CACNA1E: variants seen among roughly 807,000 people sequenced by gnomAD.
CACNA1E encodes voltage-dependent R-type calcium channel subunit alpha-1E.
A neutral mutation model predicts 259.2 loss-of-function variants in CACNA1E; 40 were observed. The ratio of observed to expected loss-of-function variants is 0.15; its 90% CI spans 0.12 to 0.20. The LOEUF (loss-of-function observed/expected upper bound fraction) is 0.20. Ranked by LOEUF, CACNA1E falls within the 10% of genes least tolerant of loss-of-function variation. CACNA1E has a pLI of 1.00. For synonymous variants in CACNA1E, 1,104 were observed against 1,138.5 expected (o/e 0.97, Z 0.61); for missense variants, 1,874 against 3,040.1 (o/e 0.62, Z 9.02).
At chr1:181,750,339 C>T in intron 25 of CACNA1E, 137 bp from the exon 26 acceptor site, 1 of 720,628 alleles carries the variant, frequency 1.4e-6, no homozygotes, top group Non-Finnish European at 2.4e-6. Flanking sequence ...GCCTGTGCTG[C>T]TCTGATTCCC....
At chr1:181,543,749 A>G (rs1259062166) in intron 3 of CACNA1E, among the ~76,000 whole-genome samples, 1 of 152,260 alleles carries the variant, frequency 6.6e-6, no homozygotes, top group Non-Finnish European at 1.5e-5. Context: ...AGGCAACATC[A>G]TTAGCCATTA....
At chr1:181,426,543 A>C in intron 2 of CACNA1E, among the ~76,000 whole-genome samples, 1 of 143,010 alleles carries the variant, frequency 7.0e-6, no homozygotes, top group African/African-American at 2.7e-5. Context: ...ACCCCTTAAC[A>C]ACAGAACCCC....
At chr1:181,345,312 G>A (rs1176163403) in intron 1 of CACNA1E, among the ~76,000 whole-genome samples, 1 of 152,232 alleles carries the variant, frequency 6.6e-6, no homozygotes, top group African/African-American at 2.4e-5. Context: ...CAGACCCTGG[G>A]GTGAGATGAT....
intron 7 of CACNA1E, among the ~76,000 whole-genome samples, chr1:181,678,703 A>G (rs967287818): frequency 6.6e-6 from 1 of 152,176 alleles, no homozygotes; most frequent in African/African-American, 2.4e-5. Context: ...CGGGGCTCAA[A>G]TCCTCATTCT....
At chr1:181,742,898 CTT>C (rs1656711670) in intron 25 of CACNA1E, among the ~76,000 whole-genome samples, 1 of 152,072 alleles carries the variant, frequency 6.6e-6, no homozygotes. Flanking sequence ...ACTTTATTGA[CTT>C]TTGAGGAGGA....
chr1:181,362,709 A>T (rs970095785), intron 1 of CACNA1E, among the ~76,000 whole-genome samples: 1 of 152,252 alleles, frequency 6.6e-6, no homozygotes, highest in Non-Finnish European at 1.5e-5. Context: ...TGGGGACCTC[A>T]TGTCAGTAGG....
At chr1:181,761,000 G>A (rs140689043) in intron 32 of CACNA1E, among the ~76,000 whole-genome samples, 39 of 152,320 alleles carry the variant, frequency 2.6e-4, no homozygotes, top group Non-Finnish European at 5.0e-4. Flanking sequence ...AGAGCCCTGA[G>A]AATTGAGGAA....
At chr1:181,634,542 T>C (rs930208570) in intron 6 of CACNA1E, among the ~76,000 whole-genome samples, 1 of 152,224 alleles carries the variant, frequency 6.6e-6, no homozygotes, top group Admixed American at 6.5e-5. Flanking sequence ...TCTAATTGGC[T>C]GTAAACTTGC....
chr1:181,785,471 G>T, intron 42 of CACNA1E, 53 bp downstream of exon 42: 1 of 1,261,916 alleles, frequency 7.9e-7, no homozygotes, highest in East Asian at 2.4e-5. Context: ...AGTTGCAGGA[G>T]GGAATAGGCC....
At chr1:181,690,189 CA>C (rs1195578561) in intron 7 of CACNA1E, among the ~76,000 whole-genome samples, 1 of 152,184 alleles carries the variant, frequency 6.6e-6, no homozygotes, top group Non-Finnish European at 1.5e-5. Flanking sequence ...CAGTTTTCTG[CA>C]TATGACTAGC....
chr1:181,507,065 T>G (rs1277971866), intron 1 of CACNA1E, among the ~76,000 whole-genome samples: 1 of 152,060 alleles, frequency 6.6e-6, no homozygotes, highest in Non-Finnish European at 1.5e-5. Context: ...AAAAAAAATA[T>G]TTTTAAGCCA....
At chr1:181,636,441 A>G (rs1051930149) in intron 6 of CACNA1E, among the ~76,000 whole-genome samples, 6 of 152,240 alleles carry the variant, frequency 3.9e-5, no homozygotes, top group Admixed American at 1.3e-4. Context: ...TATTACCAAC[A>G]TATTTTGACC....
At position 181,511,961 on chromosome 1, in the gene CACNA1E, G is replaced by A. The variant is rs559476267; in HGVS notation, c.512+451G>A. On this transcript the variant is annotated intron_variant, in intron 3 of 47. Coordinates refer to ENST00000367573, the MANE Select transcript of CACNA1E (RefSeq NM_001205293.3). ...GGAGAAGACCTCAGCCATATTTTCT[G>A]AACTGATCATTGAGACTTGTGTTCT... Among the ~76,000 whole-genome samples the A allele has an allele frequency of 2.4e-4, 37 of 152,324 alleles. No individual in the cohort carries two copies. The South Asian group carries it at 7.2e-3, about 30-fold the overall frequency.
intron 7 of CACNA1E, among the ~76,000 whole-genome samples, chr1:181,658,935 G>C (rs370160607): frequency 6.6e-6 from 1 of 151,940 alleles, no homozygotes. Context: ...TACAGGAGGG[G>C]CCGTGGGTTC....
chr1:181,649,388 A>C (rs1658555304), intron 6 of CACNA1E, among the ~76,000 whole-genome samples: 1 of 152,146 alleles, frequency 6.6e-6, no homozygotes, highest in African/African-American at 2.4e-5. Flanking sequence ...GCAAAAAAAA[A>C]AAGACACAAG....
Position 181,349,080 on chromosome 1 carries a change from G to A in CACNA1E, c.-15+30957G>A, listed in dbSNP as rs1051563470. On this transcript the variant is annotated intron_variant, in intron 1 of 11. Coordinates refer to the CACNA1E transcript ENST00000524607. ...CCTCAGACAGCAGCATCCTTGGGGAGCTCTTGGGGACCCACGGGAAGAGCA... is the reference window on the plus strand; with the variant it reads ...CCTCAGACAGCAGCATCCTTGGGGAACTCTTGGGGACCCACGGGAAGAGCA... Among the ~76,000 whole-genome samples, 7 of 149,536 alleles carry A rather than the reference G, an allele frequency of 4.7e-5. 1 individual carries two copies. In the South Asian group the frequency reaches 1.5e-3, roughly 32 times the overall value.
chr1:181,355,379 G>C (rs997673197), intron 1 of CACNA1E, among the ~76,000 whole-genome samples: 1 of 152,166 alleles, frequency 6.6e-6, no homozygotes, highest in African/African-American at 2.4e-5. Context: ...CTTGAGGTCA[G>C]GAGTTTAAGA....
intron 1 of CACNA1E, among the ~76,000 whole-genome samples, chr1:181,356,979 TG>T (rs1269238757): frequency 6.6e-6 from 1 of 152,186 alleles, no homozygotes; most frequent in East Asian, 1.9e-4. Flanking sequence ...AAGTTGTGCT[TG>T]GGTAAACGAC....
rs1471956164 is a variant in CACNA1E, at chr1:181,511,450, A to G, written c.452A>G (p.His151Arg). 6 of 1,613,976 alleles carry G rather than the reference A, an allele frequency of 3.7e-6. No homozygotes were observed. Among genetic ancestry groups the G allele is most frequent in the East Asian group, 2.2e-5 (1 of 44,888 alleles). Reference sequence around the variant, plus strand: ...ATTGTGGCCCTGGGGTTCATCTTCCATAAGGGCTCTTACCTCCGCAATGGC... The same window carrying G: ...ATTGTGGCCCTGGGGTTCATCTTCCGTAAGGGCTCTTACCTCCGCAATGGC... ...IKIVALGFIF[H>R]KGSYLRNGWN... Residue 151 changes from histidine to arginine, a missense_variant, in exon 3 of 48, where the codon CAT becomes CGT. Physicochemically the swap from His to Arg is conservative, Grantham distance 29. This residue lies in a region of CACNA1E where 55 missense variants were observed against 156.5 expected (regional missense o/e 0.35). Coordinates refer to ENST00000367573, the MANE Select transcript of CACNA1E (RefSeq NM_001205293.3).
Sources: gnomAD v4.1 joint callset for allele counts (sites outside exome capture counted in the v4.1 genomes callset) on GRCh38, gnomAD v4.1.1 for gene constraint, gnomAD v4.1.1 regional missense constraint, MANE v1.5 for transcripts, NCBI Gene and HGNC (gene_info 2026-07-23, HGNC 2026-07-21) for gene names.